PDXDC1: variants seen among roughly 807,000 people sequenced by gnomAD.
PDXDC1 encodes pyridoxal-dependent decarboxylase domain-containing protein 1.
PDXDC1 carries 42 observed loss-of-function variants against 100.1 expected under a neutral mutation model. The ratio of observed to expected loss-of-function variants is 0.42; its 90% CI spans 0.33 to 0.54. The LOEUF (loss-of-function observed/expected upper bound fraction) is 0.54. PDXDC1 is among the 20% of genes least tolerant of loss of function. The pLI, the probability that PDXDC1 is intolerant of heterozygous loss-of-function variation, is 0.10. For missense variants in PDXDC1, 636 were observed against 979.2 expected, an observed-to-expected ratio of 0.65 and a Z score of 4.68; for synonymous variants, 260 against 371.7, an observed-to-expected ratio of 0.70 and a Z score of 3.46.
chr16:15,147,090 TGGGAGGGGCTGGCA>T, the PDXDC1 span, among the ~76,000 whole-genome samples: 6 of 114,738 alleles, frequency 5.2e-5, no homozygotes, highest in Admixed American at 2.6e-4. Context: ...GAGGGAGAGG[TGGGAGGGGCTGGCA>T]GGGAGGGAGA....
chr16:15,117,517 CGTG>C (rs1185235265), intron 16 of PDXDC1, among the ~76,000 whole-genome samples: 1 of 151,310 alleles, frequency 6.6e-6, no homozygotes, highest in Admixed American at 6.6e-5. Context: ...ATTAGCCAGG[CGTG>C]GTGGTCTACT....
intron 16 of PDXDC1, among the ~76,000 whole-genome samples, chr16:15,052,260 A>C (rs539608862): frequency 6.6e-6 from 1 of 152,336 alleles, no homozygotes; most frequent in African/African-American, 2.4e-5. Flanking sequence ...GTGACACCGA[A>C]GTTTTAATTT....
intron 16 of PDXDC1, among the ~76,000 whole-genome samples, chr16:15,043,393 A>G (rs2043912679): frequency 1.3e-5 from 2 of 152,206 alleles, no homozygotes; most frequent in African/African-American, 4.8e-5. Flanking sequence ...AAAATTTAAA[A>G]ATCAGCTGGG....
At chr16:15,098,042 G>T (rs1427595361) in intron 16 of PDXDC1, among the ~76,000 whole-genome samples, 1 of 139,472 alleles carries the variant, frequency 7.2e-6, no homozygotes, top group Non-Finnish European at 1.5e-5. Context: ...CTCCCAAAAT[G>T]CTGAGATTAT....
At chr16:15,079,890 C>G (rs1216423567) in intron 16 of PDXDC1, 2 of 1,287,976 alleles carry the variant, frequency 1.6e-6, no homozygotes, top group African/African-American at 1.5e-5. Flanking sequence ...AGTCACCACG[C>G]CTGGCCAAGT....
chr16:15,003,870 G>C (rs1164598908), intron 4 of PDXDC1, among the ~76,000 whole-genome samples: 2 of 152,258 alleles, frequency 1.3e-5, no homozygotes, highest in African/African-American at 4.8e-5. Context: ...TGTAATTCCA[G>C]CTACTCGGGA....
At chr16:15,126,260 C>T (rs924594819) in intron 16 of PDXDC1, among the ~76,000 whole-genome samples, 4 of 144,136 alleles carry the variant, frequency 2.8e-5, no homozygotes, top group Non-Finnish European at 4.6e-5. Context: ...GGTCTTGGAA[C>T]TCCTGACCTC....
At chr16:15,074,225 T>C (rs549216693) in intron 16 of PDXDC1, among the ~76,000 whole-genome samples, 46 of 152,354 alleles carry the variant, frequency 3.0e-4, no homozygotes, top group African/African-American at 1.1e-3. Flanking sequence ...TCTATTATTC[T>C]GACTCACTGA....
At chr16:15,096,568 CA>C (rs1269818877) in intron 16 of PDXDC1, among the ~76,000 whole-genome samples, 1 of 152,228 alleles carries the variant, frequency 6.6e-6, no homozygotes, top group African/African-American at 2.4e-5. Context: ...CACCGTAGCT[CA>C]CAAAGATACT....
chr16:15,128,352 C>T, intron 16 of PDXDC1: 4 of 1,606,922 alleles, frequency 2.5e-6, no homozygotes, highest in South Asian at 1.1e-5. Flanking sequence ...TCCGGCTGTC[C>T]ACCCCATACA....
At chr16:15,033,248 A>C in intron 18 of PDXDC1, 30 bp from the exon 19 acceptor site, 1 of 1,613,616 alleles carries the variant, frequency 6.2e-7, no homozygotes, top group East Asian at 2.2e-5. Flanking sequence ...GAGGACTGAG[A>C]AACTCAAGTT....
At chr16:15,028,451 T>C (rs2042793169) in intron 14 of PDXDC1, among the ~76,000 whole-genome samples, 1 of 152,290 alleles carries the variant, frequency 6.6e-6, no homozygotes. Context: ...TCAACTAAAA[T>C]GTAAGCTCCA....
intron 3 of PDXDC1, among the ~76,000 whole-genome samples, chr16:14,998,615 A>C (rs1972508436): frequency 1.3e-5 from 2 of 152,238 alleles, no homozygotes; most frequent in South Asian, 4.1e-4. Context: ...TATCTGGCTA[A>C]TTTTTGTATT....
intron 16 of PDXDC1, among the ~76,000 whole-genome samples, chr16:15,082,539 G>A (rs910196287): frequency 1.3e-5 from 2 of 151,912 alleles, no homozygotes; most frequent in African/African-American, 2.4e-5. Context: ...GGGGTGTGGT[G>A]CCCCATGTCT....
At chr16:14,997,240 A>G (rs1261504313) in intron 1 of PDXDC1, among the ~76,000 whole-genome samples, 22 of 152,266 alleles carry the variant, frequency 1.4e-4, no homozygotes. Flanking sequence ...CTAAAATTCA[A>G]AAGGAACTTA....
At chr16:15,008,478 T>C (rs1176935148) in intron 6 of PDXDC1, among the ~76,000 whole-genome samples, 1 of 152,278 alleles carries the variant, frequency 6.6e-6, no homozygotes, top group Non-Finnish European at 1.5e-5. Flanking sequence ...ACGACCCAGT[T>C]GTTTCTGTGT....
chr16:15,047,475 A>C (rs139912060), intron 16 of PDXDC1: 2 of 1,613,408 alleles, frequency 1.2e-6, no homozygotes, highest in Non-Finnish European at 1.7e-6. Context: ...AAAGGATTTT[A>C]TGGAGTTCAT....
chr16:15,047,168 A>T, intron 16 of PDXDC1: 1 of 478,344 alleles, frequency 2.1e-6, no homozygotes, highest in Non-Finnish European at 3.8e-6. Context: ...ACGATGTGAA[A>T]ATCGCAACCT....
At position 15,130,368 on chromosome 16, in the gene PDXDC1, G is replaced by T. The variant is rs762696131; in HGVS notation, c.1400-8511G>T. On this transcript the variant is annotated intron_variant, in intron 16 of 16. Transcript: ENST00000535621. ...CTCGCTGAAGTACTGGCACAGGGAC[G>T]TGTACAGGCCCACGGACACCTCCAG... 2.0e-4 allele frequency: 312 copies of T among 1,568,408 alleles called. 1 individual carries two copies. The highest frequency in any genetic ancestry group is 6.8e-4 in the Middle Eastern group (3 of 4,422).
Sources: allele counts gnomAD v4.1 joint callset (sites outside exome capture counted in the v4.1 genomes callset), GRCh38; gene constraint gnomAD v4.1.1; transcripts MANE v1.5; gene names NCBI Gene and HGNC (gene_info 2026-07-23, HGNC 2026-07-21).